Variants in PDIA6 observed in about 807,000 individuals in gnomAD.
PDIA6 encodes protein disulfide-isomerase A6.
In PDIA6, 29 loss-of-function variants were observed where a neutral mutation model predicts 58.4. That is an observed-to-expected ratio of 0.50 (90% confidence interval 0.37 to 0.68). The LOEUF (loss-of-function observed/expected upper bound fraction) is 0.68. Ranked by LOEUF, PDIA6 falls within the 30% of genes least tolerant of loss-of-function variation. PDIA6 has a pLI of 0.00. For missense variants in PDIA6, 480 were observed against 551.0 expected (o/e 0.87, Z 1.29); for synonymous variants, 192 against 202.6 (o/e 0.95, Z 0.44).
At chr2:10,803,306 T>C (rs2148554170) in intron 1 of PDIA6, among the ~76,000 whole-genome samples, 1 of 152,266 alleles carries the variant, frequency 6.6e-6, no homozygotes, top group East Asian at 1.9e-4. Context: ...TACAGGCATG[T>C]GCCATCACGC....
chr2:10,820,831 C>T (rs1199947769), intron 1 of PDIA6: 1 of 702,976 alleles, frequency 1.4e-6, no homozygotes, highest in African/African-American at 1.7e-5. Flanking sequence ...GGTCGGCACA[C>T]CCACACAAGC....
chr2:10,793,245 G>C (rs1297599684), intron 4 of PDIA6, 43 bp from the exon 5 acceptor site: 2 of 1,373,026 alleles, frequency 1.5e-6, no homozygotes, highest in East Asian at 4.6e-5. Context: ...CCGGCCTTCA[G>C]CAAGTGCCTC....
chr2:10,832,529 C>T, upstream of PDIA6: 1 of 702,988 alleles, frequency 1.4e-6, no homozygotes, highest in Middle Eastern at 7.5e-4. Context: ...TCTGCCCTTG[C>T]TCTGCGCAGG....
rs1666560578 is a variant in PDIA6, at chr2:10,802,565, G to A, written c.95C>T (p.Pro32Leu). 1.3e-6 allele frequency: 2 copies of A among 1,483,454 alleles called. No homozygotes were observed. The highest frequency in any genetic ancestry group is 1.4e-5 in the African/African-American group (1 of 69,886). The allele number at this position is 1,483,454 out of a possible 1,614,324, so 91.9% of individuals were successfully genotyped here. ...AATAACTTCTCGGTTGAAATTCGAT[G>A]GAGTTAATTCGATCACATCATCACT... ...SSSDDVIELT[P>L]SNFNREVIQS... The change falls in exon 2 of 13, where the codon CCA becomes CTA. Residue 32 changes from proline (P) to leucine (L), a missense_variant. By Grantham distance (98) the Pro-to-Leu change is moderately conservative. Coordinates refer to ENST00000272227, the MANE Select transcript of PDIA6 (RefSeq NM_005742.4).
chr2:10,809,645 CAAAAAAAAAAAA>C (rs56308831), intron 1 of PDIA6, among the ~76,000 whole-genome samples: 4 of 64,664 alleles, frequency 6.2e-5, no homozygotes, highest in East Asian at 6.6e-4. Flanking sequence ...GACCCGGTCT[CAAAAAAAAAAAA>C]AAAAAAAAAA....
chr2:10,800,585 T>G (rs923898323), intron 2 of PDIA6, among the ~76,000 whole-genome samples: 7 of 147,236 alleles, frequency 4.8e-5, no homozygotes, highest in Non-Finnish European at 9.1e-5. Context: ...TTTTGATTTT[T>G]TTTTTTAAAG....
rs1297838821 is a variant in PDIA6 at position 10,787,320 on chromosome 2, T to A, written c.1118A>T (p.Lys373Ile). 2 of 1,614,098 alleles carry A rather than the reference T, an allele frequency of 1.2e-6. No homozygotes were observed. Among genetic ancestry groups the A allele is most frequent in the African/African-American group, 2.7e-5 (2 of 74,924 alleles). The change falls in exon 11 of 13, where the codon AAA becomes ATA. Residue 373 changes from lysine (K) to isoleucine (I), a missense_variant. Coordinates refer to ENST00000272227, the MANE Select transcript of PDIA6 (RefSeq NM_005742.4). ...GATGCCTTGCTCACTGAAGGAGCCT[T>A]TTAGCAGAGCAAATTTCATCTTGCG... The part of the protein sequence containing the change: ...NARKMKFALL[K>I]GSFSEQGINE...
intron 1 of PDIA6, among the ~76,000 whole-genome samples, chr2:10,803,911 G>GTTTTTTTGT (rs1666621306): frequency 1.7e-5 from 2 of 117,890 alleles, no homozygotes; most frequent in Admixed American, 2.0e-4. Context: ...TAGTTTTTGT[G>GTTTTTTTGT]TTTTTTTTTT....
chr2:10,819,339 G>A (rs1430984726), exon 2 of PDIA6: 2 of 1,533,748 alleles, frequency 1.3e-6, no homozygotes, highest in East Asian at 4.9e-5. Context: ...GGAGTGGGCA[G>A]GAGAAGTTGG....
At chr2:10,812,542 CG>C (rs1667046491) in intron 1 of PDIA6, 135 bp downstream of exon 1, 30 of 886,998 alleles carry the variant, frequency 3.4e-5, no homozygotes, top group Non-Finnish European at 4.6e-5. Flanking sequence ...CTCCGGACGC[CG>C]AGGCCCGCGC....
At chr2:10,797,369 C>A (rs1219246156) in intron 3 of PDIA6, among the ~76,000 whole-genome samples, 162 bp from the exon 4 acceptor site, 1 of 152,192 alleles carries the variant, frequency 6.6e-6, no homozygotes, top group African/African-American at 2.4e-5. Context: ...AGAAGAGAAT[C>A]TAAATGGAAT....
chr2:10,798,910 T>C (rs895894940), intron 2 of PDIA6, among the ~76,000 whole-genome samples: 12 of 152,168 alleles, frequency 7.9e-5, no homozygotes, highest in Admixed American at 6.6e-4. Flanking sequence ...CGCAAATTGC[T>C]TCTGGACTTA....
chr2:10,819,687 C>G (rs957808868), intron 1 of PDIA6, among the ~76,000 whole-genome samples: 1 of 152,184 alleles, frequency 6.6e-6, no homozygotes, highest in Non-Finnish European at 1.5e-5. Context: ...TCATCATTTC[C>G]AAGGAAAGAG....
intron 1 of PDIA6, among the ~76,000 whole-genome samples, chr2:10,809,660 A>AC (rs1395277456): frequency 5.3e-5 from 8 of 150,294 alleles, no homozygotes; most frequent in Non-Finnish European, 1.2e-4. Context: ...AAAAAAAAAA[A>AC]AAAAAAAAAA....
At chr2:10,787,209 G>T (rs750709582) in intron 11 of PDIA6, 72 bp downstream of exon 11, 43 of 1,339,098 alleles carry the variant, frequency 3.2e-5, no homozygotes, top group Non-Finnish European at 4.5e-5. Context: ...TATATACCTA[G>T]TTCCAAATAT....
intron 2 of PDIA6, among the ~76,000 whole-genome samples, chr2:10,801,108 G>A (rs1298456447): frequency 1.3e-5 from 2 of 152,018 alleles, no homozygotes; most frequent in Admixed American, 6.6e-5. Flanking sequence ...GTGAAATTCC[G>A]TCTCTATAAA....
At chr2:10,806,628 C>CGAAAGAGAGAAAGAG (rs1553339930) in intron 1 of PDIA6, among the ~76,000 whole-genome samples, 1 of 70,366 alleles carries the variant, frequency 1.4e-5, no homozygotes, top group Non-Finnish European at 3.9e-5. Context: ...AAAATAAAGA[C>CGAAAGAGAGAAAGAG]AGAAAGAAAG....
At chr2:10,812,819 C>T (rs1277298209), upstream of PDIA6, 4 of 1,183,596 alleles carry the variant, frequency 3.4e-6, no homozygotes, top group Non-Finnish European at 4.2e-6. Flanking sequence ...GAGGGGCGGC[C>T]GCGCGGGGGC....
At chr2:10,784,377 G>A (rs1665594316) in intron 12 of PDIA6, 51 bp from the exon 13 acceptor site, 1 of 1,444,916 alleles carries the variant, frequency 6.9e-7, no homozygotes, top group Non-Finnish European at 9.6e-7. Flanking sequence ...GGACACCCTG[G>A]AAGGTCAACA....
Sources: gnomAD v4.1 joint callset for allele counts (sites outside exome capture counted in the v4.1 genomes callset) on GRCh38, gnomAD v4.1.1 for gene constraint, MANE v1.5 for transcripts, NCBI Gene and HGNC (gene_info 2026-07-23, HGNC 2026-07-21) for gene names.